The following SETBP1 variants were observed in gnomAD, a reference collection of about 807,000 sequenced individuals.
The protein encoded by SETBP1 is SET binding protein 1.
Under a neutral mutation model 101.0 loss-of-function variants are expected in SETBP1, and 9 were observed. The observed-to-expected ratio is 0.09, with a 90% confidence interval of 0.05 to 0.16. SETBP1 has a LOEUF of 0.16. Ranked by LOEUF, SETBP1 falls within the 10% of genes least tolerant of loss-of-function variation. The pLI is 1.00. For synonymous variants in SETBP1, 818 were observed against 788.5 expected (o/e 1.04, Z -0.63); for missense variants, 1,858 against 2,033.8 (o/e 0.91, Z 1.66).
At chr18:45,034,615 T>C (rs16978250) in intron 4 of SETBP1, among the ~76,000 whole-genome samples, 20,246 of 152,206 alleles carry the variant, frequency 0.13, 2,244 homozygotes, top group African/African-American at 0.3. Context: ...TGTATTTCCT[T>C]CCGGCTGTGT....
At chr18:44,929,656 T>G (rs1034093261) in intron 3 of SETBP1, among the ~76,000 whole-genome samples, 2 of 152,204 alleles carry the variant, frequency 1.3e-5, no homozygotes, top group African/African-American at 4.8e-5. Flanking sequence ...TTCACATCCC[T>G]TGTAAGTTGG....
At chr18:44,789,277 C>T (rs77125590) in intron 2 of SETBP1, among the ~76,000 whole-genome samples, 2,077 of 152,238 alleles carry the variant, frequency 0.014, 40 homozygotes, top group African/African-American at 0.047. Context: ...TTTAACTTCC[C>T]CAGTCCTCAA....
chr18:44,923,388 T>C (rs182396759), intron 3 of SETBP1, among the ~76,000 whole-genome samples: 42 of 152,144 alleles, frequency 2.8e-4, no homozygotes, highest in Admixed American at 1.6e-3. Flanking sequence ...AGTCAGGGAG[T>C]TTAGACATGT....
chr18:44,731,349 C>T (rs924916380), intron 2 of SETBP1, among the ~76,000 whole-genome samples: 5 of 152,060 alleles, frequency 3.3e-5, no homozygotes, highest in African/African-American at 7.2e-5. Flanking sequence ...TGGCCACAGG[C>T]GGGAGAGGCA....
intron 3 of SETBP1, chr18:44,877,532 G>T (rs2069435630): frequency 1.5e-5 from 3 of 195,150 alleles, no homozygotes; most frequent in Middle Eastern, 2.5e-3. Context: ...CTACTTTTAG[G>T]ATAACTGCAC....
chr18:44,988,559 A>G (rs561976494), intron 4 of SETBP1: 2 of 152,366 alleles, frequency 1.3e-5, no homozygotes, highest in East Asian at 3.9e-4. Flanking sequence ...AGAAACCTCT[A>G]ATACAAAGAG....
chr18:44,826,121 G>A (rs1257870204), intron 2 of SETBP1, among the ~76,000 whole-genome samples: 1 of 152,200 alleles, frequency 6.6e-6, no homozygotes, highest in Non-Finnish European at 1.5e-5. Flanking sequence ...AAGGTCAACA[G>A]AGGCCAATAG....
chr18:44,913,892 A>G (rs1183844816), intron 3 of SETBP1, among the ~76,000 whole-genome samples: 4 of 152,028 alleles, frequency 2.6e-5, no homozygotes, highest in Non-Finnish European at 5.9e-5. Flanking sequence ...TCATTGGTTT[A>G]TTTTTTGTTT....
At chr18:44,835,737 A>T (rs1298381264) in intron 2 of SETBP1, among the ~76,000 whole-genome samples, 1 of 152,212 alleles carries the variant, frequency 6.6e-6, no homozygotes, top group Non-Finnish European at 1.5e-5. Context: ...CACACGGCCA[A>T]GCCAGAGCAA....
intron 4 of SETBP1, among the ~76,000 whole-genome samples, chr18:44,957,739 A>T (rs1029870342): frequency 6.6e-6 from 1 of 152,196 alleles, no homozygotes; most frequent in Admixed American, 6.5e-5. Flanking sequence ...AGTCACCCAG[A>T]TGAGGGAATT....
chr18:44,936,196 C>T (rs2070952285), intron 3 of SETBP1, among the ~76,000 whole-genome samples: 1 of 152,224 alleles, frequency 6.6e-6, no homozygotes, highest in Non-Finnish European at 1.5e-5. Flanking sequence ...CAGGACCCCA[C>T]TGGAGACCTT....
chr18:44,868,743 G>A (rs531981382), intron 2 of SETBP1, among the ~76,000 whole-genome samples: 1 of 70,626 alleles, frequency 1.4e-5, no homozygotes, highest in South Asian at 3.6e-4. Flanking sequence ...AGGAAGGAAG[G>A]AAGGAAGGAA....
At chr18:44,851,476 G>T (rs1216372771) in intron 2 of SETBP1, among the ~76,000 whole-genome samples, 1 of 152,136 alleles carries the variant, frequency 6.6e-6, no homozygotes, top group Non-Finnish European at 1.5e-5. Flanking sequence ...TAAAACACCT[G>T]GACTCAGCTC....
chr18:45,007,362 T>C (rs2072751786), intron 4 of SETBP1, among the ~76,000 whole-genome samples: 1 of 152,154 alleles, frequency 6.6e-6, no homozygotes, highest in Non-Finnish European at 1.5e-5. Flanking sequence ...TAGAAAACAA[T>C]ACACATCTTG....
At chr18:44,735,302 C>G (rs1376142521) in intron 2 of SETBP1, among the ~76,000 whole-genome samples, 1 of 152,162 alleles carries the variant, frequency 6.6e-6, no homozygotes, top group African/African-American at 2.4e-5. Flanking sequence ...TTTTCAGTTG[C>G]TGGCAGTTTA....
intron 2 of SETBP1, among the ~76,000 whole-genome samples, chr18:44,861,814 C>T (rs1255028326): frequency 6.6e-6 from 1 of 152,142 alleles, no homozygotes; most frequent in African/African-American, 2.4e-5. Context: ...GCAGAAGATG[C>T]CCTACATAAA....
intron 2 of SETBP1, among the ~76,000 whole-genome samples, chr18:44,813,516 C>A (rs2072205030): frequency 6.6e-6 from 1 of 152,126 alleles, no homozygotes; most frequent in Admixed American, 6.6e-5. Context: ...AGACTGGGAG[C>A]AGGGTGTCTT....
At chr18:45,034,899 G>C (rs2073365860) in intron 4 of SETBP1, among the ~76,000 whole-genome samples, 1 of 152,130 alleles carries the variant, frequency 6.6e-6, no homozygotes, top group African/African-American at 2.4e-5. Flanking sequence ...GTCCGTACAA[G>C]GTTAAATCTG....
At chr18:44,968,026 A>T (rs1380313382) in intron 4 of SETBP1, among the ~76,000 whole-genome samples, 3 of 152,180 alleles carry the variant, frequency 2.0e-5, no homozygotes, top group Non-Finnish European at 4.4e-5. Flanking sequence ...GTGGAAAAAA[A>T]ACATTAATTC....
Sources: allele counts gnomAD v4.1 joint callset (sites outside exome capture counted in the v4.1 genomes callset), GRCh38; gene constraint gnomAD v4.1.1; transcripts MANE v1.5; gene names NCBI Gene and HGNC (gene_info 2026-07-23, HGNC 2026-07-21).